The following BBS4 variants were observed in gnomAD, a reference collection of about 807,000 sequenced individuals.
BBS4 encodes BBSome complex member BBS4.
A neutral mutation model predicts 71.4 loss-of-function variants in BBS4; 58 were observed. The observed-to-expected ratio is 0.81, with a 90% CI of 0.66 to 1.01. The LOEUF is 1.01. Among genes scored for constraint, BBS4 ranks in the 50% least tolerant of loss-of-function variants. The pLI is 0.00. For synonymous variants in BBS4, 228 were observed against 216.8 expected, an observed-to-expected ratio of 1.05 and a Z score of -0.46; for missense variants, 660 against 607.9, an observed-to-expected ratio of 1.09 and a Z score of -0.90.
chr15:72,704,552 C>A lies in BBS4; in HGVS notation c.77-5148C>A, dbSNP rs575275470. On this transcript the variant is annotated intron_variant, in intron 2 of 15. Coordinates refer to ENST00000268057, the MANE Select transcript of BBS4 (RefSeq NM_033028.5). ...TCTGAGGTATCCAGAATTCCTTCAT[C>A]TTTGATGATAAGTAGATAATAATGG... 76 of 840,250 alleles carry A rather than the reference C, an allele frequency of 9.0e-5. No individual in the cohort carries two copies. In the South Asian group the frequency reaches 1.0e-3, roughly 12 times the overall value. 52.0% of individuals were successfully genotyped at this position (840,250 alleles called of 1,614,324 possible). A position where few individuals can be genotyped will look rare whatever the true frequency, so the allele number is the denominator to read the frequency against.
At position 72,722,805 on chromosome 15, in the gene BBS4, T is replaced by TAA; in HGVS notation, c.418_419dup (p.Asn140LysfsTer3). The stretch of plus-strand genomic sequence containing the variant: ...TTTTATGAGCCTAGGAGATCAGCCA[T>TAA]AACCTAGGAGTTTGCTACATATACC... On this transcript the variant is annotated frameshift_variant, in exon 7 of 16. Transcript: ENST00000268057. LOFTEE classifies it high-confidence loss of function. The TAA allele has an allele frequency of 6.2e-7, 1 of 1,613,806 alleles. No individual in the cohort carries two copies. The highest frequency in any genetic ancestry group is 8.5e-7 in the Non-Finnish European group (1 of 1,179,824).
At chr15:72,700,496 T>C (rs1296516930) in intron 2 of BBS4, among the ~76,000 whole-genome samples, 1 of 152,252 alleles carries the variant, frequency 6.6e-6, no homozygotes, top group East Asian at 1.9e-4. Flanking sequence ...GGTGGGTATA[T>C]TGTGTTTTAT....
chr15:72,722,907 C>T, intron 7 of BBS4, 60 bp downstream of exon 7: 4 of 1,445,130 alleles, frequency 2.8e-6, no homozygotes, highest in South Asian at 1.1e-5. Context: ...GAAGTTGTTA[C>T]ATTGCTCATT....
Position 72,731,731 on chromosome 15 carries a change from GAAAC to G in BBS4, c.1036+7_1036+10del. The G allele has an allele frequency of 6.2e-7, 1 of 1,614,124 alleles. No homozygotes were observed. The highest frequency in any genetic ancestry group is 8.5e-7 in the Non-Finnish European group (1 of 1,180,030). ...AGCTCTACATGCTCTTGGCAGGTAA[GAAAC>G]ATTTATGTGGAAAACTCTCTCTGCC... On this transcript the variant is annotated splice_donor_region_variant and intron_variant, in intron 12 of 15. Coordinates refer to ENST00000268057, the MANE Select transcript of BBS4 (RefSeq NM_033028.5).
intron 1 of BBS4, among the ~76,000 whole-genome samples, chr15:72,694,515 G>C (rs189546464): frequency 2.1e-4 from 32 of 152,258 alleles, no homozygotes; most frequent in Non-Finnish European, 4.4e-4. Flanking sequence ...GCTTTTAAGA[G>C]CTGCTTCTTG....
intron 6 of BBS4, among the ~76,000 whole-genome samples, chr15:72,718,302 ATCTTG>A (rs1367267256): frequency 6.6e-6 from 1 of 152,008 alleles, no homozygotes; most frequent in Non-Finnish European, 1.5e-5. Context: ...ATTTCCAAAA[ATCTTG>A]TCTTTTCTTC....
intron 11 of BBS4, 36 bp downstream of exon 11, chr15:72,731,493 A>C: frequency 6.2e-7 from 1 of 1,614,104 alleles, no homozygotes; most frequent in Non-Finnish European, 8.5e-7. Flanking sequence ...TTGTATTTCT[A>C]CATGTGGTTA....
chr15:72,735,705 C>CT lies in BBS4; in HGVS notation c.1107-119dup. On this transcript the variant is annotated intron_variant, in intron 13 of 15. Transcript: ENST00000268057. ...GCTTAGCACGTATGTACCTACCTTGCTGCATAATGGAGAAATCTCTACTTA... is the reference window on the plus strand; with the variant it reads ...GCTTAGCACGTATGTACCTACCTTGCTTGCATAATGGAGAAATCTCTACTTA... 4 of 1,271,592 alleles carry CT rather than the reference C, an allele frequency of 3.1e-6. No individual in the cohort carries two copies. In the Admixed American group the frequency reaches 6.7e-5, roughly 21 times the overall value. The allele number at this position is 1,271,592 out of a possible 1,614,324, so 78.8% of individuals were successfully genotyped here.
chr15:72,702,861 G>A (rs1288448848), intron 2 of BBS4, among the ~76,000 whole-genome samples: 2 of 136,438 alleles, frequency 1.5e-5, no homozygotes, highest in Admixed American at 1.7e-4. Context: ...AGGCTGGAGT[G>A]CAGTGGCGGG....
At chr15:72,700,128 C>T (rs994864313) in intron 2 of BBS4, among the ~76,000 whole-genome samples, 31 of 152,156 alleles carry the variant, frequency 2.0e-4, no homozygotes, top group African/African-American at 6.7e-4. Context: ...TTAGTAGAGA[C>T]GGGATTTCAC....
intron 13 of BBS4, 47 bp from the exon 14 acceptor site, chr15:72,735,778 C>T (rs1302321929): frequency 1.2e-6 from 2 of 1,612,388 alleles, no homozygotes; most frequent in East Asian, 4.5e-5. Flanking sequence ...TCTAAATGAC[C>T]ATTTGTTGCA....
At chr15:72,724,800 G>A in intron 8 of BBS4, 145 bp downstream of exon 8, 1 of 1,065,390 alleles carries the variant, frequency 9.4e-7, no homozygotes. Context: ...AGAGCTCCCA[G>A]TAGCTTCAAT....
chr15:72,704,950 T>G (rs138383241), intron 2 of BBS4, among the ~76,000 whole-genome samples: 1 of 152,040 alleles, frequency 6.6e-6, no homozygotes, highest in East Asian at 1.9e-4. Context: ...TAGGTAACAT[T>G]TCTTTAAGGC....
In BBS4 at chr15:72,709,788, T is replaced by C. The variant is rs749530632; in HGVS notation, c.156+9T>C. ...ATTATGAAGCCTGCAAGGTAAGAGA[T>C]TGCCATAATAATAAAAATGAGAGGC... On this transcript the variant is annotated intron_variant, in intron 3 of 15. Transcript: ENST00000268057. 18 of 1,608,642 alleles carry C rather than the reference T, an allele frequency of 1.1e-5. No individual in the cohort carries two copies. Among genetic ancestry groups the C allele is most frequent in the Middle Eastern group, 1.6e-4 (1 of 6,078 alleles).
At chr15:72,711,305 G>A (rs1595923369) in intron 3 of BBS4, among the ~76,000 whole-genome samples, 1 of 151,492 alleles carries the variant, frequency 6.6e-6, no homozygotes, top group African/African-American at 2.4e-5. Context: ...GTGCCACCAC[G>A]CCTGGCTAAT....
rs754157578 is a variant in BBS4 at position 72,736,832 on chromosome 15, T to A, written c.1319T>A (p.Val440Asp). ...GAGGCACTGGTCTGGACCAAACCAGTTAAAGATCCCAAATCAAAGCACCAG... is the reference window on the plus strand; with the variant it reads ...GAGGCACTGGTCTGGACCAAACCAGATAAAGATCCCAAATCAAAGCACCAG... ...VGEALVWTKP[V>D]KDPKSKHQTT... The change falls in exon 15 of 16, where the codon GTT becomes GAT. Residue 440 changes from valine (V) to aspartate (D), a missense_variant. Transcript: ENST00000268057. 3.7e-6 allele frequency: 6 copies of A among 1,614,016 alleles called. No homozygotes were observed. In the Admixed American group the frequency reaches 8.3e-5, roughly 22 times the overall value.
intron 2 of BBS4, among the ~76,000 whole-genome samples, chr15:72,709,353 C>T (rs1212487379): frequency 6.6e-6 from 1 of 152,192 alleles, no homozygotes; most frequent in Admixed American, 6.5e-5. Flanking sequence ...TTCCTGCAAT[C>T]TCCTTTAGAA....
chr15:72,716,966 C>T, intron 6 of BBS4, 116 bp downstream of exon 6: 1 of 775,416 alleles, frequency 1.3e-6, no homozygotes. Context: ...ATTTTAACCT[C>T]ATACTTAATT....
chr15:72,715,275 T>G lies in BBS4; in HGVS notation c.221-16T>G. On this transcript the variant is annotated splice_polypyrimidine_tract_variant and intron_variant, in intron 4 of 15. Coordinates refer to ENST00000268057, the MANE Select transcript of BBS4 (RefSeq NM_033028.5). Reference sequence around the variant, plus strand: ...ACATGGTTTTACTTTTTTTTGTATTTTCTGTTTCTTGGCAGCATTGATATT... The same window carrying G: ...ACATGGTTTTACTTTTTTTTGTATTGTCTGTTTCTTGGCAGCATTGATATT... 6.3e-7 allele frequency: 1 copy of G among 1,587,594 alleles called. No homozygotes were observed. Among genetic ancestry groups the G allele is most frequent in the Non-Finnish European group, 8.6e-7 (1 of 1,156,856 alleles).
Sources: gnomAD v4.1 joint callset for allele counts (sites outside exome capture counted in the v4.1 genomes callset) on GRCh38, gnomAD v4.1.1 for gene constraint, MANE v1.5 for transcripts, NCBI Gene and HGNC (gene_info 2026-07-23, HGNC 2026-07-21) for gene names.